FLRT1: variants seen among roughly 807,000 people sequenced by gnomAD.
FLRT1 encodes the protein leucine-rich repeat transmembrane protein FLRT1.
In FLRT1, 14 loss-of-function variants were observed where a neutral mutation model predicts 30.9. The observed-to-expected ratio is 0.45, with a 90% CI of 0.30 to 0.71. The LOEUF (loss-of-function observed/expected upper bound fraction) is 0.71. FLRT1 is among the 30% of genes least tolerant of loss of function. FLRT1 has a pLI of 0.08. For synonymous variants in FLRT1, 368 were observed against 430.4 expected (o/e 0.85, Z 1.80); for missense variants, 737 against 949.2 (o/e 0.78, Z 2.94).
At chr11:64,058,689 C>T (rs1474913723) in intron 1 of FLRT1, among the ~76,000 whole-genome samples, 2 of 152,258 alleles carry the variant, frequency 1.3e-5, no homozygotes, top group South Asian at 2.1e-4. Context: ...CGGCTGCAAC[C>T]GCTCATTTCC....
rs374755203 is a variant in FLRT1, at chr11:64,092,290, T to C, written c.-1037-10904T>C. On this transcript the variant is annotated intron_variant, in intron 1 of 2. Coordinates refer to ENST00000682287, the MANE Select transcript of FLRT1 (RefSeq NM_013280.5). ...ACGGATGGTTTCATATGGGGAGAAT[T>C]AGTATTCCAGGCAGGCCAGGGGATG... is the stretch of plus-strand genomic sequence containing the variant. Among the ~76,000 whole-genome samples, 18 of 152,254 alleles carry C rather than the reference T, an allele frequency of 1.2e-4. No homozygotes were observed. The East Asian group carries it at 1.9e-3, about 16-fold the overall frequency.
chr11:64,095,253 C>G (rs755430827), intron 1 of FLRT1, among the ~76,000 whole-genome samples: 45 of 152,164 alleles, frequency 3.0e-4, no homozygotes, highest in Admixed American at 6.5e-5. Context: ...GTCTCTCAGG[C>G]GCACTTTAAG....
intron 1 of FLRT1, among the ~76,000 whole-genome samples, chr11:64,065,532 G>C (rs901424678): frequency 1.3e-5 from 2 of 152,186 alleles, no homozygotes; most frequent in Non-Finnish European, 2.9e-5. Flanking sequence ...GCTCATGCCT[G>C]TAATCCCAGC....
intron 1 of FLRT1, among the ~76,000 whole-genome samples, chr11:64,045,531 C>G (rs1280260295): frequency 6.6e-6 from 1 of 152,286 alleles, no homozygotes; most frequent in Admixed American, 6.5e-5. Context: ...CTATCCCAGC[C>G]TCTGGGTCAC....
intron 1 of FLRT1, among the ~76,000 whole-genome samples, chr11:64,054,885 C>A (rs1372553516): frequency 6.6e-6 from 1 of 152,048 alleles, no homozygotes; most frequent in South Asian, 2.1e-4. Flanking sequence ...GTGACAAATA[C>A]CCCCACTACT....
At chr11:64,037,475 C>G (rs1943404436) in intron 1 of FLRT1, among the ~76,000 whole-genome samples, 1 of 152,204 alleles carries the variant, frequency 6.6e-6, no homozygotes, top group South Asian at 2.1e-4. Flanking sequence ...GGCGACTGTT[C>G]AGGGCTTCCT....
Position 64,118,379 on chromosome 11 carries a change from A to G in FLRT1, c.*87A>G, listed in dbSNP as rs1377688714. The G allele has an allele frequency of 7.9e-5, 111 of 1,409,696 alleles. 1 individual carries two copies. Among genetic ancestry groups the G allele is most frequent in the Non-Finnish European group, 9.1e-5 (97 of 1,070,838 alleles). 87.3% of individuals were successfully genotyped at this position (1,409,696 alleles called of 1,614,324 possible). On this transcript the variant is annotated 3_prime_UTR_variant, in exon 3 of 3. Transcript: ENST00000682287. ...TGCCCAGCCTGCTGCAATCCAAGAG[A>G]GCAAGGAAGAGAAATTCCATGGGTG...
Position 64,064,812 on chromosome 11 carries a change from G to A in FLRT1, c.-1038+28653G>A, listed in dbSNP as rs530943191. ...GCTGCCAACTAAAACCTGGGCACCC[G>A]GTGGCCAAGAGGCTAGAGTTTCACA... is the stretch of plus-strand genomic sequence containing the variant. On this transcript the variant is annotated intron_variant, in intron 1 of 2. Coordinates refer to ENST00000682287, the MANE Select transcript of FLRT1 (RefSeq NM_013280.5). This position sits in a 1 kb window ranked among gnomAD's most constrained non-coding sequence, Gnocchi z 4.5. 6.6e-6 allele frequency among the ~76,000 whole-genome samples: 1 copy of A among 152,048 alleles called. No homozygotes were observed. Among genetic ancestry groups the A allele is most frequent in the African/African-American group, 2.4e-5 (1 of 41,452 alleles).
chr11:64,046,240 G>A (rs1185270278), intron 1 of FLRT1, among the ~76,000 whole-genome samples: 1 of 152,164 alleles, frequency 6.6e-6, no homozygotes, highest in East Asian at 1.9e-4. Context: ...CTCATCCAAA[G>A]TGAGGAAGCC....
intron 1 of FLRT1, among the ~76,000 whole-genome samples, chr11:64,073,647 G>A (rs1565220249): frequency 1.3e-5 from 2 of 152,216 alleles, no homozygotes; most frequent in Non-Finnish European, 1.5e-5. Flanking sequence ...ATGTACGTCT[G>A]GGCCGGGAGC....
At chr11:64,042,132 G>A (rs1427440144) in intron 1 of FLRT1, among the ~76,000 whole-genome samples, 1 of 152,190 alleles carries the variant, frequency 6.6e-6, no homozygotes, top group Admixed American at 6.5e-5. Flanking sequence ...GGAGACAGAT[G>A]TGCACCACGC....
intron 1 of FLRT1, among the ~76,000 whole-genome samples, chr11:64,097,942 C>T (rs572522538): frequency 3.1e-4 from 47 of 152,238 alleles, no homozygotes; most frequent in African/African-American, 1.0e-3. Context: ...GAGAAGGAGG[C>T]GGGAACCCAC....
At chr11:64,091,552 C>G (rs1467271092) in intron 1 of FLRT1, among the ~76,000 whole-genome samples, 5 of 152,082 alleles carry the variant, frequency 3.3e-5, no homozygotes, top group African/African-American at 1.2e-4. Flanking sequence ...CCAGGGAGAG[C>G]TGGGCCAGTC....
At chr11:64,112,020 G>A (rs1210157445) in intron 2 of FLRT1, among the ~76,000 whole-genome samples, 1 of 152,230 alleles carries the variant, frequency 6.6e-6, no homozygotes, top group African/African-American at 2.4e-5. Context: ...CAGCCCTGGG[G>A]TGGAATCCAG....
At chr11:64,055,696 C>CAGAT (rs1337725709) in intron 1 of FLRT1, among the ~76,000 whole-genome samples, 1 of 152,140 alleles carries the variant, frequency 6.6e-6, no homozygotes, top group Non-Finnish European at 1.5e-5. Flanking sequence ...GATGGGTGGA[C>CAGAT]AGATGGATGG....
intron 1 of FLRT1, among the ~76,000 whole-genome samples, chr11:64,087,364 T>G (rs1214489828): frequency 6.6e-6 from 1 of 152,058 alleles, no homozygotes; most frequent in East Asian, 1.9e-4. Context: ...CTGCCACCCC[T>G]GCCACGGCTG....
intron 1 of FLRT1, among the ~76,000 whole-genome samples, chr11:64,062,433 G>A (rs115564261): frequency 0.024 from 3,605 of 152,256 alleles, 140 homozygotes; most frequent in African/African-American, 0.081. Flanking sequence ...GGAACCAACT[G>A]GGCATAGGCG....
chr11:64,061,968 C>T (rs551153722), intron 1 of FLRT1, among the ~76,000 whole-genome samples: 1 of 147,670 alleles, frequency 6.8e-6, no homozygotes, highest in East Asian at 2.0e-4. Flanking sequence ...CCATGCCACC[C>T]CCACCCCCCT....
chr11:64,047,144 C>T (rs1326345734), intron 1 of FLRT1, among the ~76,000 whole-genome samples: 3 of 152,120 alleles, frequency 2.0e-5, no homozygotes, highest in East Asian at 1.9e-4. Flanking sequence ...TCATGAAAGG[C>T]GGTGCAGGTG....
Sources: allele counts gnomAD v4.1 joint callset (sites outside exome capture counted in the v4.1 genomes callset), GRCh38; gene constraint gnomAD v4.1.1; non-coding constraint Gnocchi (gnomAD v3.1); transcripts MANE v1.5; gene names NCBI Gene and HGNC (gene_info 2026-07-23, HGNC 2026-07-21).